ZHX3: variants seen among roughly 807,000 people sequenced by gnomAD.
ZHX3 encodes the protein zinc fingers and homeoboxes 3.
A neutral mutation model predicts 64.5 loss-of-function variants in ZHX3; 20 were observed. The observed-to-expected ratio is 0.31, with a 90% CI of 0.22 to 0.45. ZHX3 has a LOEUF of 0.45. ZHX3 is among the 20% of genes least tolerant of loss of function. ZHX3 has a pLI of 1.00. For synonymous variants in ZHX3, 423 were observed against 461.6 expected (o/e 0.92, Z 1.07); for missense variants, 1,041 against 1,195.8 (o/e 0.87, Z 1.91).
intron 3 of ZHX3, among the ~76,000 whole-genome samples, chr20:41,194,681 G>C (rs1355441479): frequency 6.6e-6 from 1 of 152,042 alleles, no homozygotes; most frequent in African/African-American, 2.4e-5. Context: ...AATTCACCAG[G>C]GGTCCTAGAC....
chr20:41,263,592 T>C (rs1368382854), intron 2 of ZHX3, among the ~76,000 whole-genome samples: 1 of 151,822 alleles, frequency 6.6e-6, no homozygotes, highest in African/African-American at 2.4e-5. Context: ...AGAGACGGGG[T>C]TTCACCATGT....
At chr20:41,240,975 A>G (rs764437181) in intron 2 of ZHX3, among the ~76,000 whole-genome samples, 5 of 152,250 alleles carry the variant, frequency 3.3e-5, no homozygotes, top group Admixed American at 6.5e-5. Flanking sequence ...TACAATAAAC[A>G]TAAGTATGCA....
intron 3 of ZHX3, among the ~76,000 whole-genome samples, chr20:41,192,729 T>C (rs918768779): frequency 6.6e-6 from 1 of 152,192 alleles, no homozygotes; most frequent in Admixed American, 6.5e-5. Flanking sequence ...GTACAGTCTT[T>C]TGGGGGGTGG....
chr20:41,196,572 T>A (rs1359120526), intron 3 of ZHX3: 4 of 89,850 alleles, frequency 4.5e-5, no homozygotes, highest in Admixed American at 2.0e-4. Context: ...ATAATATATA[T>A]AAAAATATAT....
rs1335643554 is a variant in ZHX3 at position 41,255,162 on chromosome 20, T to TA, written c.-151+13827_-151+13828insT. The stretch of plus-strand genomic sequence containing the variant: ...ATTTTGAAAAAATGATATATATATA[T>TA]TTTTTTTGACATGGAGTCTCGCACT... On this transcript the variant is annotated intron_variant, in intron 2 of 3. Coordinates refer to ENST00000683867, the MANE Select transcript of ZHX3 (RefSeq NM_001384317.1). 1.7e-3 allele frequency among the ~76,000 whole-genome samples: 263 copies of TA among 151,952 alleles called. 1 individual carries two copies. Among genetic ancestry groups the TA allele is most frequent in the African/African-American group, 5.8e-3 (242 of 41,438 alleles).
intron 2 of ZHX3, among the ~76,000 whole-genome samples, chr20:41,216,462 A>G (rs924378913): frequency 2.6e-5 from 4 of 152,180 alleles, no homozygotes; most frequent in African/African-American, 9.7e-5. Context: ...AAAAACCAAA[A>G]ATGGAATTGT....
Position 41,204,456 on chromosome 20 carries a change from C to T in ZHX3, c.461G>A (p.Ser154Asn). ...AGGAGTGCTGGTGCTCTCAGGGATGCTCTGCTCCACAACCACATGATTGTC... is the reference window on the plus strand; with the variant it reads ...AGGAGTGCTGGTGCTCTCAGGGATGTTCTGCTCCACAACCACATGATTGTC... ...KPDNHVVVEQ[S>N]IPESTSTPDL... The change falls in exon 3 of 4, where the codon AGC (serine) becomes AAC (asparagine). Residue 154 changes from serine (S) to asparagine (N), a missense_variant. Transcript: ENST00000683867. The surrounding 1 kb of genome is among the most constrained non-coding windows in gnomAD (Gnocchi z 6.6). 6.2e-7 allele frequency: 1 copy of T among 1,614,214 alleles called. No individual in the cohort carries two copies.
At position 41,203,939 on chromosome 20, in the gene ZHX3, G is replaced by A. The variant is rs1036466247; in HGVS notation, c.978C>T (p.Phe326=). 3.1e-6 allele frequency: 5 copies of A among 1,614,104 alleles called. No individual in the cohort carries two copies. Among genetic ancestry groups the A allele is most frequent in the Admixed American group, 3.3e-5 (2 of 60,014 alleles). Reference sequence around the variant, plus strand: ...AGAGCTCGGCTTTGGTGGGGTAGGGGAACTTGTGGAAGGAGTTCTTCAGGA... The same window carrying A: ...AGAGCTCGGCTTTGGTGGGGTAGGGAAACTTGTGGAAGGAGTTCTTCAGGA... ...NSFLKNSFHK[F]PYPTKAELCY... Residue 326 remains phenylalanine (F), a synonymous_variant, in exon 3 of 4, where the codon TTC becomes TTT. Transcript: ENST00000683867. The surrounding 1 kb of genome is among the most constrained non-coding windows in gnomAD (Gnocchi z 7.1).
Position 41,184,403 on chromosome 20 carries a change from G to A in ZHX3, c.*788C>T, listed in dbSNP as rs2146095118. On this transcript the variant is annotated 3_prime_UTR_variant, in exon 4 of 4. Coordinates refer to ENST00000683867, the MANE Select transcript of ZHX3 (RefSeq NM_001384317.1). ...CAACAAATGTTTCTTTAGTTGATCT[G>A]ATAACTGAAAAGTTATGGTCCATGA... 6.5e-6 allele frequency: 1 copy of A among 154,464 alleles called. No individual in the cohort carries two copies. The highest frequency in any genetic ancestry group is 2.4e-5 in the African/African-American group (1 of 41,592). The allele number at this position is 154,464 out of a possible 1,614,324, so 9.6% of individuals were successfully genotyped here.
intron 2 of ZHX3, chr20:41,254,669 A>G (rs894261278): frequency 1.3e-5 from 2 of 152,224 alleles, no homozygotes; most frequent in African/African-American, 4.8e-5. Flanking sequence ...TCACTCTCAT[A>G]GGGTTATGAC....
chr20:41,292,534 G>A (rs1168304349), intron 1 of ZHX3, among the ~76,000 whole-genome samples: 2 of 152,278 alleles, frequency 1.3e-5, no homozygotes, highest in African/African-American at 4.8e-5. Flanking sequence ...TGGAGAAAAG[G>A]GAGTTCAGGT....
At chr20:41,269,729 T>C (rs932866970) in intron 1 of ZHX3, among the ~76,000 whole-genome samples, 5 of 152,204 alleles carry the variant, frequency 3.3e-5, no homozygotes, top group Admixed American at 6.5e-5. Context: ...TTGATTGAGA[T>C]GCCCATTAGC....
At chr20:41,187,651 C>A (rs1249455362) in intron 3 of ZHX3, among the ~76,000 whole-genome samples, 2 of 152,136 alleles carry the variant, frequency 1.3e-5, no homozygotes, top group Non-Finnish European at 2.9e-5. Flanking sequence ...TATGCCAGTA[C>A]CACACTGTTT....
chr20:41,288,726 G>A (rs1381754102), intron 1 of ZHX3, among the ~76,000 whole-genome samples: 1 of 152,120 alleles, frequency 6.6e-6, no homozygotes, highest in East Asian at 1.9e-4. Flanking sequence ...TATATTATAT[G>A]TCTATGACCC....
intron 1 of ZHX3, among the ~76,000 whole-genome samples, chr20:41,298,055 T>A (rs2044626003): frequency 6.6e-6 from 1 of 151,844 alleles, no homozygotes; most frequent in Non-Finnish European, 1.5e-5. Context: ...CCCTGGTGAG[T>A]TAAAAAGAGT....
chr20:41,277,001 T>G (rs2043413496), intron 1 of ZHX3, among the ~76,000 whole-genome samples: 1 of 152,122 alleles, frequency 6.6e-6, no homozygotes, highest in Non-Finnish European at 1.5e-5. Flanking sequence ...AGATATAAAA[T>G]AAAATGTGGA....
chr20:41,268,393 T>C (rs2042966718), intron 2 of ZHX3, among the ~76,000 whole-genome samples: 2 of 152,222 alleles, frequency 1.3e-5, no homozygotes, highest in South Asian at 4.1e-4. Flanking sequence ...CTTTCCGTAT[T>C]AAGTTTAGCA....
chr20:41,216,736 C>T (rs1473754140), intron 2 of ZHX3, among the ~76,000 whole-genome samples: 1 of 152,172 alleles, frequency 6.6e-6, no homozygotes, highest in African/African-American at 2.4e-5. Flanking sequence ...GAATTTCTTA[C>T]AAGTAAAATT....
intron 1 of ZHX3, among the ~76,000 whole-genome samples, chr20:41,300,489 G>A (rs906280687): frequency 6.6e-6 from 1 of 152,194 alleles, no homozygotes; most frequent in Non-Finnish European, 1.5e-5. Context: ...AGCAATCTTT[G>A]TCCTAGATCA....
Sources: allele counts gnomAD v4.1 joint callset (sites outside exome capture counted in the v4.1 genomes callset), GRCh38; gene constraint gnomAD v4.1.1; non-coding constraint Gnocchi (gnomAD v3.1); transcripts MANE v1.5; gene names NCBI Gene and HGNC (gene_info 2026-07-23, HGNC 2026-07-21).